DGKG: variants seen among roughly 807,000 people sequenced by gnomAD.
The protein encoded by DGKG is diacylglycerol kinase gamma.
DGKG carries 78 observed loss-of-function variants against 105.3 expected under a neutral mutation model. That is an observed-to-expected ratio of 0.74 (90% CI 0.62 to 0.89). The LOEUF (loss-of-function observed/expected upper bound fraction) is 0.89, where lower values mean the gene tolerates loss of function less well. DGKG is among the 40% of genes least tolerant of loss of function. DGKG has a pLI of 0.00. For missense variants in DGKG, 958 were observed against 1,020.1 expected, an observed-to-expected ratio of 0.94 and a Z score of 0.83; for synonymous variants, 346 against 367.1, an observed-to-expected ratio of 0.94 and a Z score of 0.66.
At chr3:186,277,819 T>C (rs2108592528) in intron 9 of DGKG, among the ~76,000 whole-genome samples, 1 of 151,936 alleles carries the variant, frequency 6.6e-6, no homozygotes, top group South Asian at 2.1e-4. Flanking sequence ...TGGGAGAGAG[T>C]CTGTTTTGCA....
At chr3:186,280,573 A>G (rs144330143) in intron 8 of DGKG, 97 bp downstream of exon 8, 22 of 919,186 alleles carry the variant, frequency 2.4e-5, no homozygotes, top group Non-Finnish European at 3.8e-5. Context: ...TGAGTCTGGG[A>G]GCACCTGCAG....
intron 2 of DGKG, 79 bp downstream of exon 2, chr3:186,320,314 C>T (rs1725019750): frequency 1.9e-6 from 3 of 1,560,384 alleles, no homozygotes; most frequent in African/African-American, 1.4e-5. Context: ...TTGCAATGAT[C>T]ATACTGCTAT....
Position 186,267,689 on chromosome 3 carries a change from G to C in DGKG, c.1205C>G (p.Thr402Ser), listed in dbSNP as rs559837547. The change falls in exon 13 of 25, where the codon ACC becomes AGC. Residue 402 changes from threonine (T) to serine (S), a missense_variant. Thr to Ser is a moderately conservative substitution (Grantham distance 58). Transcript: ENST00000265022. ...CGCCGGGGCAGGAGCACTTACCCGG[G>C]TGATGGGGCATATGGAGGTGGGCAG... ...ILLPTSICPI[T>S]RDRPGEKSDG... 36 of 1,613,914 alleles carry C rather than the reference G, an allele frequency of 2.2e-5. No individual in the cohort carries two copies. The South Asian group carries it at 3.6e-4, about 16-fold the overall frequency.
intron 1 of DGKG, among the ~76,000 whole-genome samples, chr3:186,325,499 T>C (rs1461282987): frequency 6.6e-6 from 1 of 152,206 alleles, no homozygotes; most frequent in Non-Finnish European, 1.5e-5. Context: ...GTTGTTGTAA[T>C]TTTGTAATTG....
chr3:186,228,996 C>T lies in DGKG; in HGVS notation c.1826+13508G>A, dbSNP rs551798361. Among the ~76,000 whole-genome samples, 32 of 152,162 alleles carry T rather than the reference C, an allele frequency of 2.1e-4. No homozygotes were observed. The South Asian group carries it at 5.4e-3, about 26-fold the overall frequency. On this transcript the variant is annotated intron_variant, in intron 20 of 24. Coordinates refer to ENST00000265022, the MANE Select transcript of DGKG (RefSeq NM_001346.3). ...TCATCAAGTTAAAATGAGGTTATAC[C>T]GGGTTAGGGTGGGTCCAATCCAGTG...
At chr3:186,199,431 T>C (rs1238643881) in intron 21 of DGKG, among the ~76,000 whole-genome samples, 1 of 151,934 alleles carries the variant, frequency 6.6e-6, no homozygotes, top group African/African-American at 2.4e-5. Flanking sequence ...TTAATATATA[T>C]CATTTATTGA....
At chr3:186,161,723 AT>A (rs1231149385) in intron 23 of DGKG, 60 bp from the exon 24 acceptor site, 30 of 1,612,632 alleles carry the variant, frequency 1.9e-5, no homozygotes, top group Non-Finnish European at 2.5e-5. Context: ...AATCAAGGTT[AT>A]TCCCACCAGG....
At position 186,361,554 on chromosome 3, in the gene DGKG, C is replaced by G. The variant is rs969716368; in HGVS notation, c.-249+392G>C. On this transcript the variant is annotated intron_variant, in intron 1 of 24. Transcript: ENST00000265022. The surrounding 1 kb of genome is among the most constrained non-coding windows in gnomAD (Gnocchi z 6.8). ...GGCCAGACATTAGGAAAAGCATCTC[C>G]TGCTTCTCGGACTGCCTGGAGCGCG... Among the ~76,000 whole-genome samples the G allele has an allele frequency of 3.6e-4, 55 of 152,314 alleles. No individual in the cohort carries two copies. Among genetic ancestry groups the G allele is most frequent in the African/African-American group, 1.2e-3 (49 of 41,570 alleles).
At position 186,188,235 on chromosome 3, in the gene DGKG, T is replaced by G. The variant is rs1717734627; in HGVS notation, c.2062A>C (p.Thr688Pro). The part of the protein sequence containing the change: ...AVIRESRKGV[T>P]DPKELKFCVQ... ...CAGAATTTCAGTTCTTTGGGGTCAG[T>G]GACACCCTTCCTGCTTTCCCGGATC... Residue 688 changes from threonine (T) to proline (P), a missense_variant, in exon 22 of 25, where the codon ACT becomes CCT. This residue lies in a region of DGKG where 315 missense variants were observed against 400.6 expected (regional missense o/e 0.79). Transcript: ENST00000265022. The G allele has an allele frequency of 3.1e-6, 5 of 1,614,186 alleles. No individual in the cohort carries two copies. Among genetic ancestry groups the G allele is most frequent in the Non-Finnish European group, 4.2e-6 (5 of 1,180,040 alleles).
intron 21 of DGKG, among the ~76,000 whole-genome samples, chr3:186,202,921 C>T (rs754898544): frequency 6.6e-6 from 1 of 152,136 alleles, no homozygotes; most frequent in Non-Finnish European, 1.5e-5. Flanking sequence ...TAGATAGAGC[C>T]AGGAGTCTGA....
At chr3:186,309,666 A>T (rs1724423390) in intron 2 of DGKG, among the ~76,000 whole-genome samples, 1 of 152,210 alleles carries the variant, frequency 6.6e-6, no homozygotes, top group Non-Finnish European at 1.5e-5. Context: ...CCCTGGTGTG[A>T]CTTCTGCAAG....
rs116791948 is a variant in DGKG, at chr3:186,333,153, A to C, written c.-248-12446T>G. 7.8e-3 allele frequency among the ~76,000 whole-genome samples: 1,191 copies of C among 152,230 alleles called. 20 individuals are homozygous for C. Among genetic ancestry groups the C allele is most frequent in the African/African-American group, 0.027 (1,122 of 41,528 alleles). On this transcript the variant is annotated intron_variant, in intron 1 of 24. Coordinates refer to ENST00000265022, the MANE Select transcript of DGKG (RefSeq NM_001346.3). ...GTGTTTATGAGAGCATCACTAGTAA[A>C]ACTTTCTGTCAGTGGCTTTGAAAGC...
chr3:186,173,816 G>A (rs772403745), intron 22 of DGKG, among the ~76,000 whole-genome samples: 34 of 152,374 alleles, frequency 2.2e-4, no homozygotes, highest in Non-Finnish European at 3.4e-4. Flanking sequence ...CAAGGGGACT[G>A]GGGTTCCCCA....
chr3:186,199,093 G>A (rs969552765), intron 21 of DGKG, among the ~76,000 whole-genome samples: 1 of 151,978 alleles, frequency 6.6e-6, no homozygotes, highest in African/African-American at 2.4e-5. Context: ...GACTACAGGC[G>A]CATGCCACCA....
At chr3:186,348,243 C>T (rs745923119) in intron 1 of DGKG, among the ~76,000 whole-genome samples, 9 of 152,030 alleles carry the variant, frequency 5.9e-5, no homozygotes, top group East Asian at 3.9e-4. Flanking sequence ...TTATTATTCA[C>T]GCCACAGCTT....
chr3:186,276,701 A>G (rs1323005323), intron 9 of DGKG, among the ~76,000 whole-genome samples: 1 of 152,242 alleles, frequency 6.6e-6, no homozygotes, highest in Non-Finnish European at 1.5e-5. Flanking sequence ...AGGGGAACAC[A>G]GCACAGCTTG....
chr3:186,248,987 C>G (rs1721077132), intron 19 of DGKG, among the ~76,000 whole-genome samples: 1 of 152,110 alleles, frequency 6.6e-6, no homozygotes, highest in Non-Finnish European at 1.5e-5. Context: ...TTTTTTTTAA[C>G]TGTAATGATG....
chr3:186,267,539 T>C, intron 13 of DGKG, 146 bp downstream of exon 13: 1 of 654,818 alleles, frequency 1.5e-6, no homozygotes, highest in Non-Finnish European at 2.7e-6. Flanking sequence ...TAACCTAAAA[T>C]AACAGTAAAA....
chr3:186,344,730 C>T (rs1019392156), intron 1 of DGKG, among the ~76,000 whole-genome samples: 9 of 152,060 alleles, frequency 5.9e-5, no homozygotes, highest in Admixed American at 3.9e-4. Flanking sequence ...CACATATATC[C>T]CTGAACCTAA....
Sources: allele counts gnomAD v4.1 joint callset (sites outside exome capture counted in the v4.1 genomes callset), GRCh38; gene constraint gnomAD v4.1.1; regional missense constraint gnomAD v4.1.1; non-coding constraint Gnocchi (gnomAD v3.1); transcripts MANE v1.5; gene names NCBI Gene and HGNC (gene_info 2026-07-23, HGNC 2026-07-21).